Variants in RBBP8NL observed in about 807,000 individuals in gnomAD.
The protein encoded by RBBP8NL is RBBP8 N-terminal like, also known as RBBP8 N-terminal-like protein.
RBBP8NL carries 59 observed loss-of-function variants against 62.2 expected under a neutral mutation model. The ratio of observed to expected loss-of-function variants is 0.95; its 90% confidence interval spans 0.77 to 1.18. The LOEUF is 1.18. Ranked by LOEUF, RBBP8NL falls within the 50% of genes most tolerant of loss-of-function variation. The pLI, the probability that RBBP8NL is intolerant of heterozygous loss-of-function variation, is 0.00. For missense variants in RBBP8NL, 896 were observed against 899.5 expected (o/e 1.00, Z 0.05); for synonymous variants, 412 against 394.1 (o/e 1.05, Z -0.54).
In RBBP8NL at chr20:62,418,783, TTGTG is replaced by T. The variant is rs150755276; in HGVS notation, c.62-322_62-319del. Among the ~76,000 whole-genome samples, 348 of 151,768 alleles carry T rather than the reference TTGTG, an allele frequency of 2.3e-3. 1 individual carries two copies. Among genetic ancestry groups the T allele is most frequent in the South Asian group, 4.6e-3 (22 of 4,778 alleles). On this transcript the variant is annotated intron_variant, in intron 2 of 13. Transcript: ENST00000252998. ...AAGGTAGAGGGACCGAGGGGCCATT[TTGTG>T]TGTGTGTGTGTGTCATAGCTAGTGT...
rs1358698882 is a variant in RBBP8NL, at chr20:62,414,553, G to A, written c.798C>T (p.Phe266=). 1.4e-6 allele frequency: 2 copies of A among 1,424,430 alleles called. No individual in the cohort carries two copies. Among genetic ancestry groups the A allele is most frequent in the Non-Finnish European group, 1.8e-6 (2 of 1,084,220 alleles). The allele number at this position is 1,424,430 out of a possible 1,614,324, so 88.2% of individuals were successfully genotyped here. Residue 266 remains phenylalanine (F), a synonymous_variant, in exon 10 of 14, where the codon TTC becomes TTT. Coordinates refer to ENST00000252998, the MANE Select transcript of RBBP8NL (RefSeq NM_080833.3). ...TGGCGGAGGGCCGGGAGGCCCGCAG[G>A]AAGCTGTGAGGGAGGAGAAGCCGAA... is the stretch of plus-strand genomic sequence containing the variant. ...AYERGLSLDS[F]LRASRPSAMT...
intron 13 of RBBP8NL, 24 bp from the exon 14 acceptor site, chr20:62,411,020 G>T: frequency 6.6e-7 from 1 of 1,508,618 alleles, no homozygotes; most frequent in Non-Finnish European, 9.2e-7. Flanking sequence ...CCGGAGGTCA[G>T]GCCGGAGCTG....
chr20:62,421,515 CCAGTGTGCATGTGTGTGCACACCCAAGT>C (rs1273885337), intron 1 of RBBP8NL, among the ~76,000 whole-genome samples: 12 of 130,594 alleles, frequency 9.2e-5, no homozygotes, highest in Admixed American at 7.8e-5. Flanking sequence ...TGTGTGATAG[CCAGTGTGCATGTGTGTGCACACCCAAGT>C]CAGTGTGCAT....
In RBBP8NL at chr20:62,416,807, T is replaced by C. The variant is rs1569025254; in HGVS notation, c.266A>G (p.Glu89Gly). Residue 89 changes from glutamate (E) to glycine (G), a missense_variant, in exon 5 of 14, where the codon GAG (glutamate) becomes GGG (glycine). Glu to Gly is a moderately conservative substitution (Grantham distance 98). Coordinates refer to ENST00000252998, the MANE Select transcript of RBBP8NL (RefSeq NM_080833.3). ...TQELARKRQQ[E>G]FESSHLQNLQ... The stretch of plus-strand genomic sequence containing the variant: ...GTTCTGCAGGTGGGAGCTCTCGAAC[T>C]CCTGCTGCCGCTTCCTGGCCAGCTC... The C allele has an allele frequency of 2.5e-6, 4 of 1,589,306 alleles. No homozygotes were observed. Among genetic ancestry groups the C allele is most frequent in the Non-Finnish European group, 3.4e-6 (4 of 1,167,812 alleles).
At chr20:62,426,940 G>T (rs1988823489) in intron 1 of RBBP8NL, among the ~76,000 whole-genome samples, 1 of 152,240 alleles carries the variant, frequency 6.6e-6, no homozygotes, top group Non-Finnish European at 1.5e-5. Context: ...GCTCCCTGAG[G>T]CCTGGCCCGT....
At position 62,415,654 on chromosome 20, in the gene RBBP8NL, G is replaced by A. The variant is rs905261703; in HGVS notation, c.551C>T (p.Pro184Leu). 2.5e-6 allele frequency: 4 copies of A among 1,612,940 alleles called. No homozygotes were observed. Among genetic ancestry groups the A allele is most frequent in the Admixed American group, 1.7e-5 (1 of 60,016 alleles). ...CACTGGAGATGTCCTGTGCCCTGCT[G>A]GCTTTTCTGTGGGAGGAGAAGCCAG... is the stretch of plus-strand genomic sequence containing the variant. Reference protein sequence around the residue: ...QGVGLRGEEKPAGHRTSPVAK... With the variant: ...QGVGLRGEEKLAGHRTSPVAK... Residue 184 changes from proline (P) to leucine (L), a missense_variant, in exon 8 of 14, where the codon CCA becomes CTA. Transcript: ENST00000252998.
At chr20:62,418,819 A>C (rs1988637944) in intron 2 of RBBP8NL, among the ~76,000 whole-genome samples, 1 of 152,074 alleles carries the variant, frequency 6.6e-6, no homozygotes, top group Non-Finnish European at 1.5e-5. Context: ...GTGTTGAAAT[A>C]AGATAAGCTT....
intron 1 of RBBP8NL, among the ~76,000 whole-genome samples, chr20:62,420,350 G>GCACACACACACAAA (rs1988671022): frequency 7.7e-6 from 1 of 129,768 alleles, no homozygotes; most frequent in Non-Finnish European, 1.7e-5. Flanking sequence ...TGTCCCACAG[G>GCACACACACACAAA]CACACACACA....
chr20:62,414,642 C>A, intron 9 of RBBP8NL, 86 bp from the exon 10 acceptor site: 1 of 1,362,824 alleles, frequency 7.3e-7, no homozygotes, highest in Non-Finnish European at 9.5e-7. Context: ...ACGACAGGCA[C>A]CCACTCCACA....
Position 62,415,208 on chromosome 20 carries a change from C to T in RBBP8NL, c.707G>A (p.Arg236Gln), listed in dbSNP as rs550183119. The T allele has an allele frequency of 1.2e-5, 19 of 1,520,062 alleles. No homozygotes were observed. The highest frequency in any genetic ancestry group is 5.5e-5 in the African/African-American group (4 of 72,888). 94.2% of individuals were successfully genotyped at this position (1,520,062 alleles called of 1,614,324 possible). A position where few individuals can be genotyped will look rare whatever the true frequency, so the allele number is the denominator to read the frequency against. Residue 236 changes from arginine to glutamine, a missense_variant, in exon 9 of 14, where the codon CGA (arginine) becomes CAA (glutamine). Transcript: ENST00000252998. ...RPGSQACPADRGPANGTPPPL... is the reference protein window; with the variant it reads ...RPGSQACPADQGPANGTPPPL... ...TGGGGGCGTCCCATTGGCGGGGCCT[C>T]GGTCGGCAGGGCAAGCCTGGGACCC...
intron 1 of RBBP8NL, among the ~76,000 whole-genome samples, chr20:62,426,147 AGCAGTGGCAGTGGTGACAGTG>A (rs1988803572): frequency 6.6e-6 from 1 of 151,056 alleles, no homozygotes; most frequent in South Asian, 2.1e-4. Flanking sequence ...TGGTAGCAGT[AGCAGTGGCAGTGGTGACAGTG>A]GCAGTGGAAG....
chr20:62,419,066 G>C (rs12106205), intron 2 of RBBP8NL, among the ~76,000 whole-genome samples: 38 of 152,184 alleles, frequency 2.5e-4, no homozygotes, highest in African/African-American at 8.7e-4. Context: ...GGACAGGGGT[G>C]GGGCCTGGGG....
Position 62,416,649 on chromosome 20 carries a change from TG to T in RBBP8NL, c.313+110del, listed in dbSNP as rs977843549. Reference sequence around the variant, plus strand: ...GGGTTGTGAGGTTCCCCCAGTGGTGTGGGGCCGATCGTCCTGCCTCCTTTCC... The same window carrying T: ...GGGTTGTGAGGTTCCCCCAGTGGTGTGGGCCGATCGTCCTGCCTCCTTTCC... On this transcript the variant is annotated intron_variant, in intron 5 of 13. Transcript: ENST00000252998. 33 of 716,136 alleles carry T rather than the reference TG, an allele frequency of 4.6e-5. No individual in the cohort carries two copies. In the African/African-American group the frequency reaches 5.3e-4, roughly 11 times the overall value. The allele number at this position is 716,136 out of a possible 1,614,324, so 44.4% of individuals were successfully genotyped here.
intron 1 of RBBP8NL, among the ~76,000 whole-genome samples, chr20:62,422,677 G>A (rs1988733496): frequency 6.6e-6 from 1 of 151,622 alleles, no homozygotes. Context: ...TGGGGACCGG[G>A]GTGGGGATGG....
intron 1 of RBBP8NL, among the ~76,000 whole-genome samples, chr20:62,425,035 C>T (rs951467356): frequency 3.3e-5 from 5 of 152,298 alleles, no homozygotes; most frequent in Admixed American, 6.5e-5. Context: ...GCTCTCTATG[C>T]GGCCTTGGGC....
intron 4 of RBBP8NL, among the ~76,000 whole-genome samples, 169 bp from the exon 5 acceptor site, chr20:62,417,041 T>A (rs1314038079): frequency 6.6e-6 from 1 of 151,998 alleles, no homozygotes; most frequent in Admixed American, 6.5e-5. Flanking sequence ...TTCCACTGAG[T>A]TTGGGGAGAA....
In RBBP8NL at chr20:62,415,285, G is replaced by T; in HGVS notation, c.630C>A (p.Ser210Arg). 6.4e-7 allele frequency: 1 copy of T among 1,569,696 alleles called. No individual in the cohort carries two copies. Reference protein sequence around the residue: ...TLPESRAPDMSPQRISNQLHG... With the variant: ...TLPESRAPDMRPQRISNQLHG... ...GCAGCTGGTTGGAGATGCGCTGGGG[G>T]CTCTGTGAGGATGGGTGGGTCAGCC... is the stretch of plus-strand genomic sequence containing the variant. The change falls in exon 9 of 14, where the codon AGC becomes AGA. Residue 210 changes from serine to arginine, a missense_variant and splice_region_variant. Ser to Arg is a moderately radical substitution (Grantham distance 110). Coordinates refer to ENST00000252998, the MANE Select transcript of RBBP8NL (RefSeq NM_080833.3).
intron 1 of RBBP8NL, among the ~76,000 whole-genome samples, chr20:62,420,918 G>A (rs570161019): frequency 1.7e-3 from 256 of 152,386 alleles, no homozygotes; most frequent in African/African-American, 6.0e-3. Flanking sequence ...TGGGCCTGGG[G>A]ACCTGGGCTG....
chr20:62,419,127 TGGATGG>T (rs1416410782), intron 2 of RBBP8NL, among the ~76,000 whole-genome samples: 2 of 152,184 alleles, frequency 1.3e-5, no homozygotes, highest in Non-Finnish European at 2.9e-5. Context: ...TGACATGTTC[TGGATGG>T]GTCCAGAGAG....
Sources: allele counts gnomAD v4.1 joint callset (sites outside exome capture counted in the v4.1 genomes callset), GRCh38; gene constraint gnomAD v4.1.1; transcripts MANE v1.5; gene names NCBI Gene and HGNC (gene_info 2026-07-23, HGNC 2026-07-21).